Variants in BFSP2 observed in about 807,000 individuals in gnomAD.
The protein encoded by BFSP2 is beaded filament structural protein 2.
In BFSP2, 38 loss-of-function variants were observed where a neutral mutation model predicts 44.9. The observed-to-expected ratio is 0.85, with a 90% CI of 0.65 to 1.11. The LOEUF is 1.11. Ranked by LOEUF, BFSP2 falls within the 50% of genes least tolerant of loss-of-function variation. BFSP2 has a pLI of 0.00. For missense variants in BFSP2, 525 were observed against 533.0 expected (o/e 0.99, Z 0.15); for synonymous variants, 197 against 209.9 (o/e 0.94, Z 0.53).
chr3:133,429,905 C>A (rs982878078), intron 1 of BFSP2, among the ~76,000 whole-genome samples: 3 of 150,798 alleles, frequency 2.0e-5, no homozygotes, highest in African/African-American at 7.4e-5. Context: ...TCCCTCCCCA[C>A]TACCCCCACC....
chr3:133,470,322 C>T (rs1014098194), intron 5 of BFSP2, among the ~76,000 whole-genome samples: 8 of 152,104 alleles, frequency 5.3e-5, no homozygotes, highest in African/African-American at 1.4e-4. Flanking sequence ...AAGATGGTGT[C>T]GTGACAGAAT....
In BFSP2 at chr3:133,400,351, A is replaced by G. The variant is rs540517188; in HGVS notation, c.268A>G (p.Ser90Gly). ...CAGTGTCTTCCTTCAGGGCCTGCGG[A>G]GCTCAGGCCTGGCCACCGTGCCGGC... ...ISSVFLQGLR[S>G]SGLATVPAPG... The change falls in exon 1 of 7, where the codon AGC (serine) becomes GGC (glycine). Residue 90 changes from serine (S) to glycine (G), a missense_variant. By Grantham distance (56) the Ser-to-Gly change is moderately conservative. Transcript: ENST00000302334. This position sits in a 1 kb window ranked among gnomAD's most constrained non-coding sequence, Gnocchi z 4.0. The G allele has an allele frequency of 1.2e-6, 2 of 1,613,958 alleles. No homozygotes were observed. Among genetic ancestry groups the G allele is most frequent in the South Asian group, 2.2e-5 (2 of 91,088 alleles).
rs1212404887 is a variant in BFSP2 at position 133,449,982 on chromosome 3, A to AAGGAAGG, written c.730-320_730-319insGGAAGGA. ...GAGAAAGAGAAAGAAGGAAAGAAGG[A>AAGGAAGG]AAGGAAGGAAGGAAGGAAGGAAGGA... On this transcript the variant is annotated intron_variant, in intron 3 of 6. Coordinates refer to ENST00000302334, the MANE Select transcript of BFSP2 (RefSeq NM_003571.4). 5.1e-4 allele frequency among the ~76,000 whole-genome samples: 44 copies of AAGGAAGG among 86,378 alleles called. 1 individual carries two copies. The highest frequency in any genetic ancestry group is 1.3e-3 in the African/African-American group (26 of 20,648). 56.7% of individuals were successfully genotyped at this position (86,378 alleles called of 152,430 possible). A position where few individuals can be genotyped will look rare whatever the true frequency, so the allele number is the denominator to read the frequency against.
In BFSP2 at chr3:133,422,754, C is replaced by T. The variant is rs184033402; in HGVS notation, c.489+22182C>T. ...AATGAAGCAGCAGTTATATTACCCC[C>T]AGCCCAGCACCTGCCAGAATATAGC... On this transcript the variant is annotated intron_variant, in intron 1 of 6. Coordinates refer to ENST00000302334, the MANE Select transcript of BFSP2 (RefSeq NM_003571.4). 7.9e-3 allele frequency among the ~76,000 whole-genome samples: 185 copies of T among 23,282 alleles called. 2 individuals are homozygous for T. Among genetic ancestry groups the T allele is most frequent in the African/African-American group, 0.02 (170 of 8,448 alleles). 15.3% of individuals were successfully genotyped at this position (23,282 alleles called of 152,430 possible).
chr3:133,401,296 A>G (rs1200956402), intron 1 of BFSP2, among the ~76,000 whole-genome samples: 1 of 152,262 alleles, frequency 6.6e-6, no homozygotes, highest in Non-Finnish European at 1.5e-5. Context: ...GGAAATATTA[A>G]TATCTTATAT....
At position 133,450,311 on chromosome 3, in the gene BFSP2, G is replaced by T. The variant is rs2073950129; in HGVS notation, c.738G>T (p.Lys246Asn). ...TATATTGTTGTTTTCAGGATGTGAA[G>T]CTGCTGCACAAACAGTTGGCAGGGT... ...SLSRNYEEDVKLLHKQLAGCE... is the reference protein window; with the variant it reads ...SLSRNYEEDVNLLHKQLAGCE... Residue 246 changes from lysine to asparagine, a missense_variant, in exon 4 of 7, where the codon AAG becomes AAT. Coordinates refer to ENST00000302334, the MANE Select transcript of BFSP2 (RefSeq NM_003571.4). 28 of 1,614,192 alleles carry T rather than the reference G, an allele frequency of 1.7e-5. No individual in the cohort carries two copies. Among genetic ancestry groups the T allele is most frequent in the Non-Finnish European group, 2.3e-5 (27 of 1,180,024 alleles).
intron 5 of BFSP2, among the ~76,000 whole-genome samples, chr3:133,470,551 T>A (rs965579924): frequency 1.3e-5 from 2 of 152,254 alleles, no homozygotes; most frequent in African/African-American, 4.8e-5. Context: ...AAGGGGTTTA[T>A]TGATTAGCTC....
rs1576588360 is a variant in BFSP2, at chr3:133,450,579, A to G, written c.891+115A>G. 8.3e-6 allele frequency: 10 copies of G among 1,206,788 alleles called. No homozygotes were observed. In the East Asian group the frequency reaches 2.4e-4, roughly 29 times the overall value. 74.8% of individuals were successfully genotyped at this position (1,206,788 alleles called of 1,614,324 possible). On this transcript the variant is annotated intron_variant, in intron 4 of 6. Transcript: ENST00000302334. ...TAACAACGGTTTAGTAACAAGTTCA[A>G]CCTCATTAGAAACAGAAGAAATGAA...
intron 1 of BFSP2, among the ~76,000 whole-genome samples, chr3:133,440,498 A>G (rs2107915583): frequency 6.6e-6 from 1 of 152,332 alleles, no homozygotes; most frequent in African/African-American, 2.4e-5. Context: ...GGACTGTGTT[A>G]TAAATGGTAG....
At chr3:133,422,396 G>A (rs1051638611) in intron 1 of BFSP2, among the ~76,000 whole-genome samples, 13 of 152,270 alleles carry the variant, frequency 8.5e-5, no homozygotes, top group Non-Finnish European at 1.5e-4. Context: ...GAGATGGATC[G>A]TTTCCCTGGA....
At chr3:133,425,101 A>T (rs1265202648) in intron 1 of BFSP2, among the ~76,000 whole-genome samples, 1 of 152,126 alleles carries the variant, frequency 6.6e-6, no homozygotes. Flanking sequence ...CTTCTTCCTC[A>T]CCAGCAGTCT....
intron 1 of BFSP2, among the ~76,000 whole-genome samples, chr3:133,402,753 G>T (rs2073372434): frequency 6.6e-6 from 1 of 150,656 alleles, no homozygotes; most frequent in Non-Finnish European, 1.5e-5. Context: ...CAATTCTCCT[G>T]CCTCAGCGTC....
intron 1 of BFSP2, among the ~76,000 whole-genome samples, chr3:133,408,183 G>T (rs182886588): frequency 2.9e-4 from 44 of 151,330 alleles, no homozygotes; most frequent in South Asian, 1.5e-3. Flanking sequence ...AAAAAAAGCC[G>T]ATAGCACTCT....
At chr3:133,465,300 C>T (rs1356744466) in intron 4 of BFSP2, among the ~76,000 whole-genome samples, 1 of 151,992 alleles carries the variant, frequency 6.6e-6, no homozygotes. Context: ...AGCCACTGCA[C>T]CCAGCCTTGA....
At chr3:133,417,016 T>C (rs2073541016) in intron 1 of BFSP2, among the ~76,000 whole-genome samples, 1 of 123,004 alleles carries the variant, frequency 8.1e-6, no homozygotes, top group Non-Finnish European at 1.7e-5. Context: ...CCCTCTCTCC[T>C]CTACTCACCC....
Position 133,450,381 on chromosome 3 carries a change from G to A in BFSP2, c.808G>A (p.Asp270Asn), listed in dbSNP as rs1444848252. 8 of 1,614,196 alleles carry A rather than the reference G, an allele frequency of 5.0e-6. No homozygotes were observed. Among genetic ancestry groups the A allele is most frequent in the South Asian group, 4.4e-5 (4 of 91,086 alleles). The change falls in exon 4 of 7, where the codon GAC (aspartate) becomes AAC (asparagine). Residue 270 changes from aspartate to asparagine, a missense_variant. Coordinates refer to ENST00000302334, the MANE Select transcript of BFSP2 (RefSeq NM_003571.4). ...MDAPIGTGLDDILETIRIQWE... is the reference protein window; with the variant it reads ...MDAPIGTGLDNILETIRIQWE... ...TGCTCCCATTGGCACTGGTCTGGAC[G>A]ACATCCTTGAGACGATCAGAATTCA...
intron 1 of BFSP2, among the ~76,000 whole-genome samples, chr3:133,436,477 G>C (rs59257328): frequency 0.044 from 6,712 of 152,016 alleles, 462 homozygotes; most frequent in African/African-American, 0.15. Context: ...TCACAAACAA[G>C]AGAGAGCATA....
chr3:133,410,422 C>T lies in BFSP2; in HGVS notation c.489+9850C>T, dbSNP rs538359394. 8.0e-5 allele frequency: 23 copies of T among 288,836 alleles called. No homozygotes were observed. In the South Asian group the frequency reaches 8.6e-4, roughly 11 times the overall value. 17.9% of individuals were successfully genotyped at this position (288,836 alleles called of 1,614,324 possible). A position where few individuals can be genotyped will look rare whatever the true frequency, so the allele number is the denominator to read the frequency against. ...AAATGTCAGCATGGATCACAGCACTCCAAGCCGCGCTCTTCCAGCCCTGGG... is the reference window on the plus strand; with the variant it reads ...AAATGTCAGCATGGATCACAGCACTTCAAGCCGCGCTCTTCCAGCCCTGGG... On this transcript the variant is annotated intron_variant, in intron 1 of 6. Transcript: ENST00000302334.
chr3:133,426,808 C>T (rs1438030990), intron 1 of BFSP2, among the ~76,000 whole-genome samples: 1 of 152,212 alleles, frequency 6.6e-6, no homozygotes, highest in Non-Finnish European at 1.5e-5. Context: ...AGCTCTCTGC[C>T]CTGACACCCT....
Sources: gnomAD v4.1 joint callset for allele counts (sites outside exome capture counted in the v4.1 genomes callset) on GRCh38, gnomAD v4.1.1 for gene constraint, Gnocchi (gnomAD v3.1) non-coding constraint, MANE v1.5 for transcripts, NCBI Gene and HGNC (gene_info 2026-07-23, HGNC 2026-07-21) for gene names.